Variants in APLF observed in about 807,000 individuals in gnomAD.
The protein encoded by APLF is aprataxin and PNKP like factor, also known as aprataxin and PNK-like factor.
Under a neutral mutation model 55.6 loss-of-function variants are expected in APLF, and 61 were observed. The ratio of observed to expected loss-of-function variants is 1.10; its 90% confidence interval spans 0.89 to 1.36. APLF has a LOEUF of 1.36. Ranked by LOEUF, APLF falls within the 40% of genes most tolerant of loss-of-function variation. The probability of loss-of-function intolerance (pLI) is 0.00; values close to 1 mark genes in which losing one functional copy is unlikely to be tolerated. For synonymous variants in APLF, 207 were observed against 214.8 expected (o/e 0.96, Z 0.32); for missense variants, 611 against 602.5 (o/e 1.01, Z -0.15).
chr2:68,498,885 G>T (rs1291094694), intron 2 of APLF, among the ~76,000 whole-genome samples: 3 of 151,968 alleles, frequency 2.0e-5, no homozygotes, highest in Non-Finnish European at 4.4e-5. Flanking sequence ...ATACGTCTTT[G>T]GGTGGTTGTG....
chr2:68,567,211 T>C, intron 8 of APLF, 130 bp from the exon 9 acceptor site: 1 of 688,196 alleles, frequency 1.5e-6, no homozygotes, highest in Non-Finnish European at 2.5e-6. Flanking sequence ...AAACAACAAA[T>C]GCTTTTTCAT....
intron 3 of APLF, among the ~76,000 whole-genome samples, chr2:68,506,566 A>G (rs565247651): frequency 6.6e-6 from 1 of 152,154 alleles, no homozygotes; most frequent in East Asian, 1.9e-4. Flanking sequence ...CTCTATGAGG[A>G]CTAGGTATTG....
intron 2 of APLF, among the ~76,000 whole-genome samples, chr2:68,502,037 G>T (rs1350640797): frequency 3.3e-5 from 5 of 152,088 alleles, no homozygotes; most frequent in African/African-American, 9.7e-5. Flanking sequence ...ATGAGAGAGT[G>T]AGCAAGAGAG....
intron 8 of APLF, among the ~76,000 whole-genome samples, chr2:68,550,279 T>C (rs1264822351): frequency 6.6e-6 from 1 of 152,178 alleles, no homozygotes; most frequent in African/African-American, 2.4e-5. Flanking sequence ...TTGTCTAGGC[T>C]GGGGTGCAGT....
At chr2:68,576,141 G>T (rs1671614106) in intron 9 of APLF, among the ~76,000 whole-genome samples, 1 of 151,994 alleles carries the variant, frequency 6.6e-6, no homozygotes, top group Non-Finnish European at 1.5e-5. Context: ...TGTTTATTGA[G>T]ATATCATTAG....
chr2:68,535,658 A>C (rs1203441959), intron 6 of APLF, among the ~76,000 whole-genome samples: 1 of 150,820 alleles, frequency 6.6e-6, no homozygotes, highest in Non-Finnish European at 1.5e-5. Flanking sequence ...TCCTTGTCCC[A>C]GAACTGCTGC....
rs769020365 is a variant in APLF, at chr2:68,579,822, A to T, written c.*1800A>T. 22 of 195,220 alleles carry T rather than the reference A, an allele frequency of 1.1e-4. No homozygotes were observed. The highest frequency in any genetic ancestry group is 1.8e-4 in the Non-Finnish European group (19 of 107,604). The allele number at this position is 195,220 out of a possible 1,614,324, so 12.1% of individuals were successfully genotyped here. On this transcript the variant is annotated 3_prime_UTR_variant, in exon 10 of 10. Transcript: ENST00000303795. Reference sequence around the variant, plus strand: ...GGGAGTGACTGCTAATGAGTATAGGATTTCCTTTTGAGTGATAAAAATGTT... The same window carrying T: ...GGGAGTGACTGCTAATGAGTATAGGTTTTCCTTTTGAGTGATAAAAATGTT...
intron 2 of APLF, among the ~76,000 whole-genome samples, chr2:68,492,991 T>C (rs977896669): frequency 2.0e-5 from 3 of 152,220 alleles, no homozygotes; most frequent in African/African-American, 7.2e-5. Flanking sequence ...GGAGAACGTC[T>C]GATCTTAAAT....
At chr2:68,570,287 A>T (rs35825494) in intron 9 of APLF, among the ~76,000 whole-genome samples, 15,365 of 146,688 alleles carry the variant, frequency 0.1, 1,011 homozygotes, top group African/African-American at 0.19. Context: ...TTTTTTTTTT[A>T]ATATATATAT....
At chr2:68,512,930 A>G (rs1293680943) in intron 3 of APLF, 150 bp from the exon 4 acceptor site, 1 of 517,468 alleles carries the variant, frequency 1.9e-6, no homozygotes, top group Non-Finnish European at 3.3e-6. Context: ...AATAAAGAAC[A>G]TATTCTAGTC....
At chr2:68,501,446 G>T (rs1331458922) in intron 2 of APLF, among the ~76,000 whole-genome samples, 1 of 151,248 alleles carries the variant, frequency 6.6e-6, no homozygotes, top group African/African-American at 2.4e-5. Flanking sequence ...AAACACCAAA[G>T]ATCTGCATTA....
intron 6 of APLF, among the ~76,000 whole-genome samples, chr2:68,527,798 G>A (rs368447732): frequency 1.0e-4 from 15 of 147,358 alleles, no homozygotes; most frequent in African/African-American, 3.3e-4. Context: ...GGGCAGAGGC[G>A]CTCCTCACTG....
intron 3 of APLF, among the ~76,000 whole-genome samples, chr2:68,504,966 T>G (rs1676831709): frequency 6.6e-6 from 1 of 152,100 alleles, no homozygotes; most frequent in African/African-American, 2.4e-5. Flanking sequence ...TATGGACATA[T>G]TCTGTGTCTT....
chr2:68,472,060 CAATT>C (rs920434164), intron 1 of APLF, among the ~76,000 whole-genome samples: 2 of 152,142 alleles, frequency 1.3e-5, no homozygotes, highest in Non-Finnish European at 2.9e-5. Flanking sequence ...TTCTGGTTGA[CAATT>C]AGTTGAGTTT....
chr2:68,578,882 GC>G lies in APLF; in HGVS notation c.*862del, dbSNP rs1671691691. On this transcript the variant is annotated 3_prime_UTR_variant, in exon 10 of 10. Coordinates refer to ENST00000303795, the MANE Select transcript of APLF (RefSeq NM_173545.3). ...TGCCAGTTGAAAGTTCAAGATTCTG[GC>G]CTCCCATATCAAGAAGAAACCACTT... 1.0e-6 allele frequency: 1 copy of G among 985,198 alleles called. No homozygotes were observed. Among genetic ancestry groups the G allele is most frequent in the East Asian group, 1.1e-4 (1 of 8,810 alleles). 61.0% of individuals were successfully genotyped at this position (985,198 alleles called of 1,614,324 possible).
Position 68,526,113 on chromosome 2 carries a change from G to C in APLF, c.675G>C (p.Gln225His). Residue 225 changes from glutamine (Q) to histidine (H), a missense_variant, in exon 6 of 10, where the codon CAG becomes CAC. Gln to His is a conservative substitution (Grantham distance 24, BLOSUM62 0). Coordinates refer to ENST00000303795, the MANE Select transcript of APLF (RefSeq NM_173545.3). ...AAGAAATCTGCAAAGATAAATCCCA[G>C]CTAAACACAACCCAGCAAGGAAGAA... ...GKEEICKDKSQLNTTQQGRRQ... is the reference protein window; with the variant it reads ...GKEEICKDKSHLNTTQQGRRQ... The C allele has an allele frequency of 6.2e-7, 1 of 1,613,780 alleles. No individual in the cohort carries two copies. Among genetic ancestry groups the C allele is most frequent in the East Asian group, 2.2e-5 (1 of 44,840 alleles).
chr2:68,496,874 G>T (rs980635657), intron 2 of APLF, among the ~76,000 whole-genome samples: 5 of 152,114 alleles, frequency 3.3e-5, no homozygotes, highest in Non-Finnish European at 5.9e-5. Flanking sequence ...CTGATCGTTT[G>T]GTCATTTAAC....
chr2:68,556,552 A>G (rs1405146154), intron 8 of APLF, among the ~76,000 whole-genome samples: 1 of 152,190 alleles, frequency 6.6e-6, no homozygotes, highest in African/African-American at 2.4e-5. Context: ...CCTCTGATGA[A>G]TAATAGGATT....
At chr2:68,551,007 A>G (rs1031242985) in intron 8 of APLF, among the ~76,000 whole-genome samples, 2 of 152,050 alleles carry the variant, frequency 1.3e-5, no homozygotes, top group Non-Finnish European at 2.9e-5. Context: ...TTAGTTTTAA[A>G]AACTTCTTTG....
Sources: gnomAD v4.1 joint callset for allele counts (sites outside exome capture counted in the v4.1 genomes callset) on GRCh38, gnomAD v4.1.1 for gene constraint, MANE v1.5 for transcripts, NCBI Gene and HGNC (gene_info 2026-07-23, HGNC 2026-07-21) for gene names.